Variants in SLC25A21 observed in about 807,000 individuals in gnomAD.
SLC25A21 encodes solute carrier family 25 member 21.
SLC25A21 carries 47 observed loss-of-function variants against 43.8 expected under a neutral mutation model. That is an observed-to-expected ratio of 1.07 (90% CI 0.85 to 1.37). The LOEUF is 1.37. Among genes scored for constraint, SLC25A21 ranks in the 40% most tolerant of loss-of-function variants. SLC25A21 has a pLI of 0.00. For synonymous variants in SLC25A21, 131 were observed against 121.3 expected (o/e 1.08, Z -0.52); for missense variants, 352 against 350.2 (o/e 1.00, Z -0.04).
intron 2 of SLC25A21, among the ~76,000 whole-genome samples, chr14:36,873,485 G>A (rs984480395): frequency 3.9e-5 from 6 of 151,906 alleles, no homozygotes; most frequent in African/African-American, 9.7e-5. Flanking sequence ...TAGTAGAGAC[G>A]GGGTTTCACC....
intron 3 of SLC25A21, among the ~76,000 whole-genome samples, chr14:36,810,803 G>T (rs891839394): frequency 3.5e-5 from 4 of 114,558 alleles, no homozygotes; most frequent in African/African-American, 1.1e-4. Flanking sequence ...TTCTTGGGAT[G>T]GGAAAGGGGA....
At chr14:37,136,066 C>A (rs1438117229) in intron 1 of SLC25A21, among the ~76,000 whole-genome samples, 1 of 152,114 alleles carries the variant, frequency 6.6e-6, no homozygotes, top group African/African-American at 2.4e-5. Context: ...GAAAGATGGA[C>A]ATCTAATCAA....
intron 2 of SLC25A21, among the ~76,000 whole-genome samples, chr14:36,871,853 T>A (rs1023997917): frequency 1.3e-5 from 2 of 152,288 alleles, no homozygotes; most frequent in South Asian, 2.1e-4. Context: ...TTCTGAATTT[T>A]AAAAAATTTA....
At chr14:36,977,494 C>A (rs1369885858) in intron 1 of SLC25A21, among the ~76,000 whole-genome samples, 1 of 152,162 alleles carries the variant, frequency 6.6e-6, no homozygotes, top group Admixed American at 6.5e-5. Flanking sequence ...AACACTAATG[C>A]TGGTGGAGGC....
chr14:36,860,368 G>A (rs1298445771), intron 2 of SLC25A21, among the ~76,000 whole-genome samples: 2 of 152,170 alleles, frequency 1.3e-5, no homozygotes, highest in African/African-American at 4.8e-5. Flanking sequence ...CAGATTAGAA[G>A]AAGCCTCCAA....
chr14:36,882,071 T>C (rs1336423143), intron 1 of SLC25A21, among the ~76,000 whole-genome samples: 1 of 152,202 alleles, frequency 6.6e-6, no homozygotes, highest in Non-Finnish European at 1.5e-5. Flanking sequence ...TTTTACATTG[T>C]ATCACATATA....
intron 3 of SLC25A21, among the ~76,000 whole-genome samples, chr14:36,764,624 A>G (rs1886341319): frequency 6.6e-6 from 1 of 151,622 alleles, no homozygotes. Flanking sequence ...CTCCAAAAAA[A>G]AAAAAAAAAC....
intron 2 of SLC25A21, among the ~76,000 whole-genome samples, chr14:36,859,126 T>C (rs937612306): frequency 2.6e-5 from 4 of 152,210 alleles, no homozygotes; most frequent in Non-Finnish European, 5.9e-5. Context: ...TTGCTTTAAA[T>C]TGAAGCTGAA....
chr14:36,774,791 T>G (rs112883603), intron 3 of SLC25A21, among the ~76,000 whole-genome samples: 12 of 152,284 alleles, frequency 7.9e-5, no homozygotes, highest in African/African-American at 2.9e-4. Context: ...TAGAGACTCT[T>G]TTTAAATGAA....
intron 1 of SLC25A21, among the ~76,000 whole-genome samples, chr14:37,135,791 G>A (rs1963470628): frequency 6.6e-6 from 1 of 152,150 alleles, no homozygotes; most frequent in South Asian, 2.1e-4. Context: ...GAATCCCAGC[G>A]CTGCCACTGA....
chr14:36,957,980 A>C (rs541529055), intron 1 of SLC25A21, among the ~76,000 whole-genome samples: 1 of 152,364 alleles, frequency 6.6e-6, no homozygotes, highest in African/African-American at 2.4e-5. Flanking sequence ...ATAGCGATTA[A>C]CTTGAACATA....
intron 7 of SLC25A21, among the ~76,000 whole-genome samples, chr14:36,693,432 T>G (rs1191265975): frequency 6.6e-6 from 1 of 152,104 alleles, no homozygotes; most frequent in East Asian, 1.9e-4. Context: ...GATGAGAGAC[T>G]CAACATTAAA....
intron 2 of SLC25A21, among the ~76,000 whole-genome samples, chr14:36,832,049 T>C (rs1889057709): frequency 6.6e-6 from 1 of 152,118 alleles, no homozygotes; most frequent in Non-Finnish European, 1.5e-5. Flanking sequence ...TGAAATAGAA[T>C]CTTCCAAACA....
At position 36,680,388 on chromosome 14, in the gene SLC25A21, A is replaced by AAAT. The variant is rs1312704704; in HGVS notation, c.*267_*269dup. The stretch of plus-strand genomic sequence containing the variant: ...AAAGTTTCTATTTATTTTATGAAAT[A>AAAT]AATATATGATTTCTATGCTATTTTT... On this transcript the variant is annotated 3_prime_UTR_variant, in exon 10 of 10. Coordinates refer to ENST00000331299, the MANE Select transcript of SLC25A21 (RefSeq NM_030631.4). The AAAT allele has an allele frequency of 9.3e-7, 1 of 1,070,266 alleles. No individual in the cohort carries two copies. Among genetic ancestry groups the AAAT allele is most frequent in the Non-Finnish European group, 1.1e-6 (1 of 879,722 alleles). The allele number at this position is 1,070,266 out of a possible 1,614,324, so 66.3% of individuals were successfully genotyped here. A position where few individuals can be genotyped will look rare whatever the true frequency, so the allele number is the denominator to read the frequency against.
rs373060240 is a variant in SLC25A21, at chr14:37,157,430, G to C, written c.70+14851C>G. On this transcript the variant is annotated intron_variant, in intron 1 of 9. Coordinates refer to ENST00000331299, the MANE Select transcript of SLC25A21 (RefSeq NM_030631.4). The stretch of plus-strand genomic sequence containing the variant: ...AATGGAATAAAATTAGAAATCAATA[G>C]TAAGAGGAACTTTTGAAACTATTCA... 1.1e-3 allele frequency among the ~76,000 whole-genome samples: 166 copies of C among 152,200 alleles called. 4 individuals are homozygous for C. The South Asian group carries it at 0.034, about 31-fold the overall frequency.
intron 7 of SLC25A21, among the ~76,000 whole-genome samples, chr14:36,704,779 C>T (rs929485813): frequency 6.6e-6 from 1 of 152,176 alleles, no homozygotes; most frequent in African/African-American, 2.4e-5. Flanking sequence ...TTCCCCACCC[C>T]TGTCATATGG....
At chr14:37,027,254 TA>T (rs1235273018) in intron 1 of SLC25A21, among the ~76,000 whole-genome samples, 1 of 111,950 alleles carries the variant, frequency 8.9e-6, no homozygotes, top group African/African-American at 6.2e-5. Flanking sequence ...CTAATACATC[TA>T]TTATCTAGCT....
chr14:36,876,932 G>GATAGATAGATAGATAGATAA (rs376120522), intron 1 of SLC25A21, among the ~76,000 whole-genome samples: 1 of 149,776 alleles, frequency 6.7e-6, no homozygotes, highest in East Asian at 2.0e-4. Context: ...TAGATAGATA[G>GATAGATAGATAGATAGATAA]ATAGATACAC....
intron 3 of SLC25A21, among the ~76,000 whole-genome samples, chr14:36,748,379 T>A (rs570280259): frequency 6.6e-6 from 1 of 152,316 alleles, no homozygotes; most frequent in East Asian, 1.9e-4. Flanking sequence ...CTGCATCAGT[T>A]TTTTTAAAAA....
Sources: allele counts gnomAD v4.1 joint callset (sites outside exome capture counted in the v4.1 genomes callset), GRCh38; gene constraint gnomAD v4.1.1; transcripts MANE v1.5; gene names NCBI Gene and HGNC (gene_info 2026-07-23, HGNC 2026-07-21).